CNOT4: variants seen among roughly 807,000 people sequenced by gnomAD.
CNOT4 encodes CCR4-NOT transcription complex subunit 4.
Under a neutral mutation model 73.8 loss-of-function variants are expected in CNOT4, and 8 were observed. The ratio of observed to expected loss-of-function variants is 0.11; its 90% CI spans 0.06 to 0.20. CNOT4 has a LOEUF of 0.20. CNOT4 is among the 10% of genes least tolerant of loss of function. The pLI is 1.00. For missense variants in CNOT4, 564 were observed against 883.4 expected (o/e 0.64, Z 4.58); for synonymous variants, 293 against 321.1 (o/e 0.91, Z 0.94).
In CNOT4 at chr7:135,410,572, G is replaced by T; in HGVS notation, c.764C>A (p.Ser255Tyr). 6.3e-7 allele frequency: 1 copy of T among 1,584,788 alleles called. No individual in the cohort carries two copies. Among genetic ancestry groups the T allele is most frequent in the Non-Finnish European group, 8.6e-7 (1 of 1,165,596 alleles). Residue 255 changes from serine to tyrosine, a missense_variant, in exon 7 of 12, where the codon TCT (serine) becomes TAT (tyrosine). By Grantham distance (144) the Ser-to-Tyr change is moderately radical (BLOSUM62 -2). Coordinates refer to ENST00000541284, the MANE Select transcript of CNOT4 (RefSeq NM_001190850.2). ...YKLNPNFLQLSTGSVDKNKNK... is the reference protein window; with the variant it reads ...YKLNPNFLQLYTGSVDKNKNK... ...CTTATTTTTATCAACTGAACCCGTA[G>T]ATAGCTGAAGAAAATTGGGATTTAA...
intron 1 of CNOT4, among the ~76,000 whole-genome samples, chr7:135,452,698 T>A (rs1800250274): frequency 6.6e-6 from 1 of 152,222 alleles, no homozygotes; most frequent in Non-Finnish European, 1.5e-5. Context: ...AGAAAAACTA[T>A]ATTAAATTAG....
intron 1 of CNOT4, among the ~76,000 whole-genome samples, chr7:135,504,904 A>G (rs1484415347): frequency 6.6e-6 from 1 of 152,160 alleles, no homozygotes; most frequent in South Asian, 2.1e-4. Flanking sequence ...CTGGGATTAC[A>G]GGCGTGAGCC....
intron 1 of CNOT4, among the ~76,000 whole-genome samples, chr7:135,479,198 A>ATTTTTTTTT (rs61487024): frequency 4.5e-5 from 4 of 89,872 alleles, no homozygotes; most frequent in African/African-American, 9.3e-5. Flanking sequence ...TTAGAACCAA[A>ATTTTTTTTT]TTTTTTTTTT....
Position 135,413,587 on chromosome 7 carries a change from G to A in CNOT4, c.588C>T (p.Cys196=), listed in dbSNP as rs763144452. 1.9e-6 allele frequency: 3 copies of A among 1,611,142 alleles called. No individual in the cohort carries two copies. The highest frequency in any genetic ancestry group is 2.5e-6 in the Non-Finnish European group (3 of 1,177,918). The change falls in exon 6 of 12, where the codon TGC becomes TGT. Residue 196 remains cysteine, a synonymous_variant. Transcript: ENST00000541284. ...ACTGCATATTCTTTAAGAAGTAACT[G>A]CAGTATTTTGTTGTACCTAGAGATG... ...LKASLGTTKY[C]SYFLKNMQCP...
At chr7:135,396,107 CTTTT>C (rs71174519) in intron 8 of CNOT4, among the ~76,000 whole-genome samples, 7 of 95,428 alleles carry the variant, frequency 7.3e-5, no homozygotes, top group African/African-American at 3.2e-4. Flanking sequence ...ACTAGTCTCC[CTTTT>C]TTTTTTTTTT....
At chr7:135,457,842 ATGTG>A (rs1800641846) in intron 1 of CNOT4, among the ~76,000 whole-genome samples, 1 of 152,112 alleles carries the variant, frequency 6.6e-6, no homozygotes, top group Admixed American at 6.6e-5. Context: ...ATGTATGTGC[ATGTG>A]TGTGTTTTGT....
intron 1 of CNOT4, among the ~76,000 whole-genome samples, chr7:135,474,502 T>C (rs1801864534): frequency 6.6e-6 from 1 of 151,134 alleles, no homozygotes; most frequent in Admixed American, 6.6e-5. Context: ...GTCTTGAACC[T>C]CTGACCTCAA....
At chr7:135,474,412 G>A (rs889051920) in intron 1 of CNOT4, among the ~76,000 whole-genome samples, 9 of 150,218 alleles carry the variant, frequency 6.0e-5, no homozygotes, top group Non-Finnish European at 1.3e-4. Flanking sequence ...AGCCTCCCAA[G>A]TAGCTAGAAC....
At chr7:135,472,657 G>C (rs1384403049) in intron 1 of CNOT4, among the ~76,000 whole-genome samples, 32 of 147,412 alleles carry the variant, frequency 2.2e-4, no homozygotes, top group African/African-American at 6.5e-4. Flanking sequence ...GGAAATTAAA[G>C]AGACAGAACA....
intron 1 of CNOT4, among the ~76,000 whole-genome samples, chr7:135,501,942 T>C (rs73725127): frequency 1.6e-4 from 24 of 152,360 alleles, no homozygotes; most frequent in African/African-American, 5.0e-4. Flanking sequence ...GTGATTAGGC[T>C]ATGAGGGCTC....
At chr7:135,481,346 C>G (rs1802367756) in intron 1 of CNOT4, among the ~76,000 whole-genome samples, 1 of 152,038 alleles carries the variant, frequency 6.6e-6, no homozygotes, top group Admixed American at 6.6e-5. Flanking sequence ...TTCAACATCA[C>G]TAATCATCAG....
At chr7:135,484,023 G>A (rs1189979548) in intron 1 of CNOT4, among the ~76,000 whole-genome samples, 5 of 151,022 alleles carry the variant, frequency 3.3e-5, no homozygotes, top group African/African-American at 4.9e-5. Context: ...GTAGAACCCC[G>A]TCTCTACTAA....
At chr7:135,485,107 T>C (rs554756348) in intron 1 of CNOT4, among the ~76,000 whole-genome samples, 1 of 152,272 alleles carries the variant, frequency 6.6e-6, no homozygotes, top group East Asian at 1.9e-4. Flanking sequence ...GGAGTCTCGC[T>C]CTGTCACCAG....
intron 1 of CNOT4, among the ~76,000 whole-genome samples, chr7:135,503,499 TA>T (rs954743493): frequency 3.3e-5 from 5 of 152,024 alleles, no homozygotes; most frequent in African/African-American, 9.7e-5. Context: ...TGAAACAATG[TA>T]ATGACTAAGA....
At chr7:135,403,969 A>G (rs73158932) in intron 7 of CNOT4, among the ~76,000 whole-genome samples, 6,157 of 152,296 alleles carry the variant, frequency 0.04, 137 homozygotes, top group Middle Eastern at 0.085. Flanking sequence ...AAACAAGGGC[A>G]CACACAACCC....
chr7:135,412,203 C>T (rs543410585), intron 6 of CNOT4, among the ~76,000 whole-genome samples: 1 of 151,954 alleles, frequency 6.6e-6, no homozygotes, highest in South Asian at 2.1e-4. Flanking sequence ...CCACAAAGAG[C>T]TCAACTTGAT....
intron 10 of CNOT4, among the ~76,000 whole-genome samples, chr7:135,392,091 G>A (rs1796433063): frequency 6.6e-6 from 1 of 151,882 alleles, no homozygotes; most frequent in Non-Finnish European, 1.5e-5. Context: ...AACATAAAAG[G>A]CCTTTTCTCT....
At position 135,413,668 on chromosome 7, in the gene CNOT4, A is replaced by C. The variant is rs367880487; in HGVS notation, c.562-55T>G. 7.7e-6 allele frequency: 12 copies of C among 1,548,486 alleles called. No individual in the cohort carries two copies. The East Asian group carries it at 2.1e-4, about 27-fold the overall frequency. On this transcript the variant is annotated intron_variant, in intron 5 of 11. Transcript: ENST00000541284. ...AAGACTCAATGTGAACTGACAACAC[A>C]ATGAGAATCTCCATGTTTAGTGTTT...
chr7:135,481,508 C>T (rs1802379680), intron 1 of CNOT4, among the ~76,000 whole-genome samples: 1 of 152,068 alleles, frequency 6.6e-6, no homozygotes, highest in African/African-American at 2.4e-5. Context: ...GAATGTAAAT[C>T]CATACAACTA....
Sources: allele counts gnomAD v4.1 joint callset (sites outside exome capture counted in the v4.1 genomes callset), GRCh38; gene constraint gnomAD v4.1.1; transcripts MANE v1.5; gene names NCBI Gene and HGNC (gene_info 2026-07-23, HGNC 2026-07-21).